The following SH3BGRL2 variants were observed in gnomAD, a reference collection of about 807,000 sequenced individuals.
The protein encoded by SH3BGRL2 is SH3 domain binding glutamate rich protein like 2, also known as SH3 domain-binding glutamic acid-rich-like protein 2.
A neutral mutation model predicts 14.8 loss-of-function variants in SH3BGRL2; 21 were observed. The observed-to-expected ratio is 1.42, with a 90% CI of 1.01 to 2.05. The LOEUF (loss-of-function observed/expected upper bound fraction) is 2.05. SH3BGRL2 is among the 30% of genes most tolerant of loss of function. The probability of loss-of-function intolerance (pLI) is 0.00; values close to 1 mark genes in which losing one functional copy is unlikely to be tolerated. For missense variants in SH3BGRL2, 147 were observed against 130.8 expected (o/e 1.12, Z -0.61); for synonymous variants, 50 against 47.8 (o/e 1.05, Z -0.19).
chr6:79,649,985 T>TCTCTCA (rs765159303), intron 1 of SH3BGRL2, among the ~76,000 whole-genome samples: 64 of 142,074 alleles, frequency 4.5e-4, no homozygotes, highest in African/African-American at 1.6e-3. Flanking sequence ...TCTCTCTCTC[T>TCTCTCA]CACACACACA....
At chr6:79,575,000 T>C in the SH3BGRL2 span, 1 of 152,196 alleles carries the variant, frequency 6.6e-6, no homozygotes, top group Non-Finnish European at 1.5e-5. Flanking sequence ...AAAATCAAAA[T>C]GAAAGCTGAC....
the SH3BGRL2 span, among the ~76,000 whole-genome samples, chr6:79,604,341 A>G: frequency 6.6e-6 from 1 of 152,188 alleles, no homozygotes; most frequent in Non-Finnish European, 1.5e-5. Context: ...TCTCACCTCC[A>G]AACACTTTTG....
the SH3BGRL2 span, among the ~76,000 whole-genome samples, chr6:79,576,490 GTCC>G: frequency 6.6e-6 from 1 of 152,042 alleles, no homozygotes; most frequent in East Asian, 1.9e-4. Context: ...ATAGTTTATT[GTCC>G]TCCTTTTTTG....
At chr6:79,636,965 C>A (rs1768936584) in intron 1 of SH3BGRL2, among the ~76,000 whole-genome samples, 1 of 152,080 alleles carries the variant, frequency 6.6e-6, no homozygotes. Flanking sequence ...ACCTCAGTAT[C>A]TTTTGGGTGA....
chr6:79,585,893 T>C, the SH3BGRL2 span, among the ~76,000 whole-genome samples: 2,701 of 152,122 alleles, frequency 0.018, 77 homozygotes, highest in African/African-American at 0.062. Context: ...TCATAAACTT[T>C]CTTAAAATGT....
the SH3BGRL2 span, among the ~76,000 whole-genome samples, chr6:79,559,294 T>C: frequency 6.6e-6 from 1 of 152,072 alleles, no homozygotes; most frequent in Non-Finnish European, 1.5e-5. Context: ...TGAGACCCCA[T>C]CCGTCTCTGC....
At chr6:79,587,023 A>G in the SH3BGRL2 span, among the ~76,000 whole-genome samples, 1 of 152,210 alleles carries the variant, frequency 6.6e-6, no homozygotes, top group Admixed American at 6.5e-5. Context: ...ACACGTTTTT[A>G]TCTAGACCCC....
chr6:79,586,235 C>CTTTTTT, the SH3BGRL2 span, among the ~76,000 whole-genome samples: 4 of 54,966 alleles, frequency 7.3e-5, no homozygotes, highest in East Asian at 7.4e-4. Context: ...GTATGGACTT[C>CTTTTTT]TTTTTTTTTT....
the SH3BGRL2 span, among the ~76,000 whole-genome samples, chr6:79,613,723 C>T: frequency 6.2e-4 from 95 of 152,248 alleles, 1 homozygote; most frequent in African/African-American, 2.2e-3. Flanking sequence ...CTCCCTGCCT[C>T]AGCCTCCTGA....
rs1392907531 is a variant in SH3BGRL2 at position 79,702,650 on chromosome 6, A to C, written c.*3141A>C. On this transcript the variant is annotated 3_prime_UTR_variant, in exon 4 of 4. Coordinates refer to ENST00000369838, the MANE Select transcript of SH3BGRL2 (RefSeq NM_031469.4). ...AGCACATTAAATTGTAAAAATACAA[A>C]CAGATCGTGTGATCATTCAAGGAGC... 6.6e-6 allele frequency: 1 copy of C among 152,224 alleles called. No homozygotes were observed. The highest frequency in any genetic ancestry group is 1.5e-5 in the Non-Finnish European group (1 of 68,046). The allele number at this position is 152,224 out of a possible 1,614,324, so 9.4% of individuals were successfully genotyped here. A position where few individuals can be genotyped will look rare whatever the true frequency, so the allele number is the denominator to read the frequency against.
At chr6:79,633,460 G>T (rs1460220457) in intron 1 of SH3BGRL2, among the ~76,000 whole-genome samples, 1 of 152,008 alleles carries the variant, frequency 6.6e-6, no homozygotes, top group East Asian at 1.9e-4. Flanking sequence ...ATACCTATTA[G>T]TATAATAATA....
the SH3BGRL2 span, among the ~76,000 whole-genome samples, chr6:79,602,683 T>C: frequency 4.6e-3 from 708 of 152,320 alleles, 9 homozygotes; most frequent in African/African-American, 0.016. Flanking sequence ...CCTACCTATC[T>C]GGGCTTATGT....
chr6:79,628,227 G>C (rs1220326202), upstream of SH3BGRL2, among the ~76,000 whole-genome samples: 5 of 151,360 alleles, frequency 3.3e-5, no homozygotes, highest in Admixed American at 6.6e-5. Flanking sequence ...TTGTTTTGCA[G>C]TATAGTTTCC....
At chr6:79,566,562 C>G in the SH3BGRL2 span, among the ~76,000 whole-genome samples, 1 of 152,056 alleles carries the variant, frequency 6.6e-6, no homozygotes, top group Non-Finnish European at 1.5e-5. Flanking sequence ...GGAATTTTAT[C>G]GTTTGTCAGT....
the SH3BGRL2 span, among the ~76,000 whole-genome samples, chr6:79,585,922 G>A: frequency 6.6e-6 from 1 of 151,834 alleles, no homozygotes; most frequent in African/African-American, 2.4e-5. Context: ...TTGGCCAGGC[G>A]CAGTGGCTCA....
intron 1 of SH3BGRL2, among the ~76,000 whole-genome samples, chr6:79,672,559 C>G (rs75835771): frequency 0.12 from 18,106 of 152,012 alleles, 1,227 homozygotes; most frequent in Non-Finnish European, 0.15. Flanking sequence ...AAGCTGCATA[C>G]TATTAAAGTG....
the SH3BGRL2 span, among the ~76,000 whole-genome samples, chr6:79,576,391 G>A: frequency 1.3e-5 from 2 of 152,104 alleles, no homozygotes; most frequent in Non-Finnish European, 1.5e-5. Context: ...ATTTGAAAAT[G>A]TCTACATTTC....
At chr6:79,551,963 C>A in the SH3BGRL2 span, among the ~76,000 whole-genome samples, 4 of 152,070 alleles carry the variant, frequency 2.6e-5, no homozygotes, top group African/African-American at 9.7e-5. Context: ...TGGTGGTGGG[C>A]ACCTGTATTC....
At chr6:79,647,773 C>T (rs139946145) in intron 1 of SH3BGRL2, among the ~76,000 whole-genome samples, 163 of 152,118 alleles carry the variant, frequency 1.1e-3, no homozygotes, top group African/African-American at 3.7e-3. Flanking sequence ...ATTTAAAAGA[C>T]GCCAGTGGAA....
Sources: allele counts gnomAD v4.1 joint callset (sites outside exome capture counted in the v4.1 genomes callset), GRCh38; gene constraint gnomAD v4.1.1; transcripts MANE v1.5; gene names NCBI Gene and HGNC (gene_info 2026-07-23, HGNC 2026-07-21).